Variants in MELTF observed in about 807,000 individuals in gnomAD.
MELTF encodes antigen p97 (melanoma associated) identified by monoclonal antibodies 133.2 and 96.5.
Under a neutral mutation model 83.7 loss-of-function variants are expected in MELTF, and 67 were observed. That is an observed-to-expected ratio of 0.80 (90% CI 0.66 to 0.98). MELTF has a LOEUF of 0.98. MELTF is among the 50% of genes least tolerant of loss of function. MELTF has a pLI of 0.00. For missense variants in MELTF, 1,002 were observed against 1,035.6 expected (o/e 0.97, Z 0.44); for synonymous variants, 462 against 447.6 (o/e 1.03, Z -0.41).
chr3:197,006,483 G>C lies in MELTF; in HGVS notation c.1938+66C>G. On this transcript the variant is annotated intron_variant, in intron 14 of 15. Coordinates refer to ENST00000296350, the MANE Select transcript of MELTF (RefSeq NM_005929.6). The surrounding 1 kb of genome is among the most constrained non-coding windows in gnomAD (Gnocchi z 5.4). ...AGAGGTCTGCTCCAGGTAGACTGAG[G>C]CCTCCCAGGGGCTCAGCTTACCTCT... The C allele has an allele frequency of 4.2e-6, 6 of 1,444,824 alleles. No homozygotes were observed. In the South Asian group the frequency reaches 7.9e-5, roughly 19 times the overall value. The allele number at this position is 1,444,824 out of a possible 1,614,324, so 89.5% of individuals were successfully genotyped here.
chr3:197,007,949 G>A lies in MELTF; in HGVS notation c.1750+708C>T, dbSNP rs1036566275. On this transcript the variant is annotated intron_variant, in intron 13 of 15. Transcript: ENST00000296350. This position sits in a 1 kb window ranked among gnomAD's most constrained non-coding sequence, Gnocchi z 4.3. ...CAGCATTTGGGGTTTCAAAGCCTGG[G>A]GTGTAGGCAGGGTATGCAGACAGTA... 1.3e-5 allele frequency among the ~76,000 whole-genome samples: 2 copies of A among 152,198 alleles called. No individual in the cohort carries two copies. Among genetic ancestry groups the A allele is most frequent in the African/African-American group, 4.8e-5 (2 of 41,438 alleles).
At chr3:197,028,137 A>G (rs547504073) in intron 1 of MELTF, 6 of 551,912 alleles carry the variant, frequency 1.1e-5, no homozygotes, top group African/African-American at 9.4e-5. Context: ...GGCAAATGGA[A>G]TGGCTCAGAA....
chr3:197,007,473 T>A lies in MELTF; in HGVS notation c.1751-737A>T, dbSNP rs1002945719. On this transcript the variant is annotated intron_variant, in intron 13 of 15. Coordinates refer to ENST00000296350, the MANE Select transcript of MELTF (RefSeq NM_005929.6). This position sits in a 1 kb window ranked among gnomAD's most constrained non-coding sequence, Gnocchi z 4.3. ...AAGATAAAAGGGAAAGGAGTGGCCCTGGGAGGCGGGTGACTCACTGCAAGT... is the reference window on the plus strand; with the variant it reads ...AAGATAAAAGGGAAAGGAGTGGCCCAGGGAGGCGGGTGACTCACTGCAAGT... 6.6e-6 allele frequency among the ~76,000 whole-genome samples: 1 copy of A among 152,216 alleles called. No homozygotes were observed. Among genetic ancestry groups the A allele is most frequent in the Non-Finnish European group, 1.5e-5 (1 of 68,028 alleles).
At position 197,006,063 on chromosome 3, in the gene MELTF, T is replaced by C. The variant is rs1255755285; in HGVS notation, c.1938+486A>G. 1.3e-5 allele frequency among the ~76,000 whole-genome samples: 2 copies of C among 151,674 alleles called. No individual in the cohort carries two copies. The highest frequency in any genetic ancestry group is 4.2e-4 in the South Asian group (2 of 4,804). On this transcript the variant is annotated intron_variant, in intron 14 of 15. Transcript: ENST00000296350. This position sits in a 1 kb window ranked among gnomAD's most constrained non-coding sequence, Gnocchi z 5.4. ...GTGAAACCCCTTCTCTACTAAAAAA[T>C]AGAAAAAATTAGCCAGGCATGGTGG...
In MELTF at chr3:197,006,588, G is replaced by A. The variant is rs1718985585; in HGVS notation, c.1899C>T (p.Thr633=). The A allele has an allele frequency of 1.2e-6, 2 of 1,613,832 alleles. No homozygotes were observed. Among genetic ancestry groups the A allele is most frequent in the Non-Finnish European group, 1.7e-6 (2 of 1,179,878 alleles). The part of the protein sequence containing the change: ...PPHAVMVRPD[T]NIFTVYGLLD... ...GCAGTCCATACACGGTGAAGATGTT[G>A]GTGTCGGGCCGGACCATCACGGCGT... is the stretch of plus-strand genomic sequence containing the variant. The change falls in exon 14 of 16, where the codon ACC becomes ACT. Residue 633 remains threonine (T), a synonymous_variant. Transcript: ENST00000296350. This position sits in a 1 kb window ranked among gnomAD's most constrained non-coding sequence, Gnocchi z 5.4.
At position 197,011,727 on chromosome 3, in the gene MELTF, C is replaced by A. The variant is rs140901969; in HGVS notation, c.1234-933G>T. ...CCCAGGGCGCTTCTGGCTGATGGTC[C>A]CTTCCCTGGGTAACTGGCAGGGCAG... On this transcript the variant is annotated intron_variant, in intron 9 of 15. Transcript: ENST00000296350. The surrounding 1 kb of genome is among the most constrained non-coding windows in gnomAD (Gnocchi z 4.2). 1.5e-3 allele frequency among the ~76,000 whole-genome samples: 233 copies of A among 152,262 alleles called. 1 individual carries two copies. The highest frequency in any genetic ancestry group is 4.3e-3 in the African/African-American group (179 of 41,568).
intron 1 of MELTF, chr3:197,028,453 G>C (rs1283950167): frequency 6.5e-6 from 1 of 154,744 alleles, no homozygotes; most frequent in Non-Finnish European, 1.4e-5. Flanking sequence ...TGGGCACAGT[G>C]CCAGGCCCTG....
chr3:197,014,799 C>G (rs116055192), intron 9 of MELTF, among the ~76,000 whole-genome samples: 1 of 152,112 alleles, frequency 6.6e-6, no homozygotes, highest in Admixed American at 6.5e-5. Context: ...GTTCTCCACA[C>G]GGAGAAATGA....
Position 197,003,686 on chromosome 3 carries a change from C to T in MELTF, c.2137+215G>A. 1 of 674,076 alleles carries T rather than the reference C, an allele frequency of 1.5e-6. No homozygotes were observed. Among genetic ancestry groups the T allele is most frequent in the East Asian group, 2.8e-5 (1 of 36,262 alleles). 41.8% of individuals were successfully genotyped at this position (674,076 alleles called of 1,614,324 possible). On this transcript the variant is annotated intron_variant, in intron 15 of 15. Coordinates refer to ENST00000296350, the MANE Select transcript of MELTF (RefSeq NM_005929.6). This position sits in a 1 kb window ranked among gnomAD's most constrained non-coding sequence, Gnocchi z 6.2. Reference sequence around the variant, plus strand: ...CGCGCCGCCGTTTTGAGCGTTCACACTCATTACCCAGGTCCGTCTGGGAGA... The same window carrying T: ...CGCGCCGCCGTTTTGAGCGTTCACATTCATTACCCAGGTCCGTCTGGGAGA...
chr3:197,020,124 T>C (rs760922720), intron 6 of MELTF, among the ~76,000 whole-genome samples: 66 of 152,126 alleles, frequency 4.3e-4, no homozygotes, highest in Non-Finnish European at 8.5e-4. Flanking sequence ...TTCAGGCAAA[T>C]CTAAATTGAG....
At chr3:197,028,058 A>G in intron 1 of MELTF, 148 bp from the exon 2 acceptor site, 1 of 868,862 alleles carries the variant, frequency 1.2e-6, no homozygotes, top group Non-Finnish European at 1.7e-6. Context: ...GGGAGGCACT[A>G]GGCGCAGAGA....
intron 14 of MELTF, chr3:197,004,519 T>G: frequency 9.4e-6 from 2 of 211,670 alleles, no homozygotes; most frequent in East Asian, 1.4e-4. Context: ...CCTAAACAAT[T>G]TCGAGAGGGA....
At position 197,007,433 on chromosome 3, in the gene MELTF, C is replaced by A. The variant is rs1171170256; in HGVS notation, c.1751-697G>T. 1.3e-5 allele frequency among the ~76,000 whole-genome samples: 2 copies of A among 152,182 alleles called. No homozygotes were observed. Among genetic ancestry groups the A allele is most frequent in the African/African-American group, 4.8e-5 (2 of 41,432 alleles). On this transcript the variant is annotated intron_variant, in intron 13 of 15. Coordinates refer to ENST00000296350, the MANE Select transcript of MELTF (RefSeq NM_005929.6). This position sits in a 1 kb window ranked among gnomAD's most constrained non-coding sequence, Gnocchi z 4.3. ...CCCATTTCCAGGAAATCCAGGTGGG[C>A]CTTGAGGAGAGCTAAAGATAAAAGG...
chr3:197,029,082 C>A lies in MELTF; in HGVS notation c.49+572G>T, dbSNP rs999523882. On this transcript the variant is annotated intron_variant, in intron 1 of 15. Transcript: ENST00000296350. This position sits in a 1 kb window ranked among gnomAD's most constrained non-coding sequence, Gnocchi z 6.5. Reference sequence around the variant, plus strand: ...GGTGCCACGAACTCCATCCCCTCGGCGGTCGCCGCCCGCGATCCCCGCGAG... The same window carrying A: ...GGTGCCACGAACTCCATCCCCTCGGAGGTCGCCGCCCGCGATCCCCGCGAG... 1.3e-5 allele frequency: 2 copies of A among 151,976 alleles called. No individual in the cohort carries two copies. The highest frequency in any genetic ancestry group is 4.8e-5 in the African/African-American group (2 of 41,378). The allele number at this position is 151,976 out of a possible 1,614,324, so 9.4% of individuals were successfully genotyped here. A position where few individuals can be genotyped will look rare whatever the true frequency, so the allele number is the denominator to read the frequency against.
At chr3:197,021,715 G>T (rs1719630537) in intron 5 of MELTF, among the ~76,000 whole-genome samples, 1 of 152,222 alleles carries the variant, frequency 6.6e-6, no homozygotes, top group Non-Finnish European at 1.5e-5. Context: ...CTGCTCTGAG[G>T]ATGAGAGGCT....
At chr3:197,014,528 C>T (rs372796893) in intron 9 of MELTF, among the ~76,000 whole-genome samples, 9 of 151,718 alleles carry the variant, frequency 5.9e-5, no homozygotes, top group African/African-American at 2.2e-4. Flanking sequence ...GTTGGGATTA[C>T]AACTGTGTGC....
In MELTF at chr3:197,029,413, G is replaced by A. The variant is rs1383447696; in HGVS notation, c.49+241C>T. On this transcript the variant is annotated intron_variant, in intron 1 of 15. Coordinates refer to ENST00000296350, the MANE Select transcript of MELTF (RefSeq NM_005929.6). The surrounding 1 kb of genome is among the most constrained non-coding windows in gnomAD (Gnocchi z 6.5). ...CACGCCTCAGCCCGCGCTTCTCCTT[G>A]GAGCGTCGGAAGCCTCGGGTGTTCG... 5.2e-6 allele frequency: 2 copies of A among 384,638 alleles called. No homozygotes were observed. The highest frequency in any genetic ancestry group is 4.2e-5 in the African/African-American group (2 of 48,078). 23.8% of individuals were successfully genotyped at this position (384,638 alleles called of 1,614,324 possible).
chr3:197,019,572 CAAAA>C (rs752437825), intron 6 of MELTF: 96 of 1,577,130 alleles, frequency 6.1e-5, no homozygotes, highest in Middle Eastern at 1.7e-4. Context: ...ACCCCCATCT[CAAAA>C]AAAACCCCAA....
At position 197,004,013 on chromosome 3, in the gene MELTF, A is replaced by G. The variant is rs762434489; in HGVS notation, c.2025T>C (p.Asp675=). 2 of 1,614,062 alleles carry G rather than the reference A, an allele frequency of 1.2e-6. No homozygotes were observed. The highest frequency in any genetic ancestry group is 2.7e-5 in the African/African-American group (2 of 74,934). The change falls in exon 15 of 16, where the codon GAT becomes GAC. Residue 675 remains aspartate, a synonymous_variant. Transcript: ENST00000296350. The stretch of plus-strand genomic sequence containing the variant: ...CGACAGGCACCGCCCGGACGGTGGC[A>G]TCCTTGAAAAGCAGGTCTTGGCCAT... ...NYHGQDLLFK[D]ATVRAVPVGE... is the part of the protein sequence containing the mutation.
Sources: gnomAD v4.1 joint callset for allele counts (sites outside exome capture counted in the v4.1 genomes callset) on GRCh38, gnomAD v4.1.1 for gene constraint, Gnocchi (gnomAD v3.1) non-coding constraint, MANE v1.5 for transcripts, NCBI Gene and HGNC (gene_info 2026-07-23, HGNC 2026-07-21) for gene names.